The following GRID1 variants were observed in gnomAD, a reference collection of about 807,000 sequenced individuals.
GRID1 encodes the protein glutamate receptor ionotropic, delta-1.
Under a neutral mutation model 98.0 loss-of-function variants are expected in GRID1, and 28 were observed. That is an observed-to-expected ratio of 0.29 (90% CI 0.21 to 0.39). The LOEUF (loss-of-function observed/expected upper bound fraction) is 0.39. GRID1 is among the 10% of genes least tolerant of loss of function. The pLI is 1.00. For missense variants in GRID1, 1,111 were observed against 1,340.5 expected, an observed-to-expected ratio of 0.83 and a Z score of 2.67; for synonymous variants, 553 against 538.5, an observed-to-expected ratio of 1.03 and a Z score of -0.37.
At chr10:86,003,816 T>C (rs925481814) in intron 4 of GRID1, among the ~76,000 whole-genome samples, 2 of 152,176 alleles carry the variant, frequency 1.3e-5, no homozygotes, top group African/African-American at 2.4e-5. Flanking sequence ...CAACCAAATA[T>C]TTGCCAGGAT....
intron 4 of GRID1, among the ~76,000 whole-genome samples, chr10:85,926,810 C>T (rs111510623): frequency 6.6e-6 from 1 of 152,110 alleles, no homozygotes. Flanking sequence ...ATCCTCACAT[C>T]GTGTGAGTGA....
chr10:85,787,015 C>T (rs1358514841), intron 8 of GRID1, among the ~76,000 whole-genome samples: 2 of 152,238 alleles, frequency 1.3e-5, no homozygotes, highest in Admixed American at 6.5e-5. Flanking sequence ...TCCCCCTCTG[C>T]CTCCCAGCTG....
At chr10:86,299,438 C>T (rs1306822975) in intron 2 of GRID1, among the ~76,000 whole-genome samples, 1 of 151,316 alleles carries the variant, frequency 6.6e-6, no homozygotes, top group Non-Finnish European at 1.5e-5. Context: ...CACCCATTAA[C>T]TCGTCATTTA....
At chr10:85,722,642 A>G (rs1841716464) in intron 12 of GRID1, among the ~76,000 whole-genome samples, 1 of 152,172 alleles carries the variant, frequency 6.6e-6, no homozygotes, top group Non-Finnish European at 1.5e-5. Flanking sequence ...TGAAAAAAGC[A>G]TATATTAGAC....
At chr10:86,359,727 C>T (rs997545127) in intron 2 of GRID1, among the ~76,000 whole-genome samples, 8 of 152,214 alleles carry the variant, frequency 5.3e-5, no homozygotes, top group African/African-American at 1.9e-4. Context: ...AATGAGAAGA[C>T]TCGTGCTCAG....
At chr10:86,131,443 G>A (rs568782780) in intron 4 of GRID1, among the ~76,000 whole-genome samples, 1 of 152,296 alleles carries the variant, frequency 6.6e-6, no homozygotes, top group South Asian at 2.1e-4. Flanking sequence ...ACTCTGCAGG[G>A]AGGAGCTGAC....
chr10:85,607,740 A>C (rs1235977635), intron 15 of GRID1, among the ~76,000 whole-genome samples: 1 of 151,788 alleles, frequency 6.6e-6, no homozygotes, highest in Non-Finnish European at 1.5e-5. Context: ...GCAATTCCAC[A>C]GTAAGTGGAA....
chr10:86,047,584 A>G (rs765866293), intron 4 of GRID1, among the ~76,000 whole-genome samples: 1 of 152,122 alleles, frequency 6.6e-6, no homozygotes, highest in Non-Finnish European at 1.5e-5. Flanking sequence ...TTGCCTTCAA[A>G]TTGTTATGAA....
At chr10:85,787,722 C>T (rs181525406) in intron 8 of GRID1, among the ~76,000 whole-genome samples, 1 of 152,308 alleles carries the variant, frequency 6.6e-6, no homozygotes, top group Non-Finnish European at 1.5e-5. Context: ...GTTGCATCCC[C>T]ACCATCACCC....
At chr10:86,283,544 C>A (rs919639186) in intron 2 of GRID1, among the ~76,000 whole-genome samples, 1 of 132,564 alleles carries the variant, frequency 7.5e-6, no homozygotes, top group African/African-American at 3.0e-5. Context: ...CACACACACA[C>A]CTGCCCTTAC....
intron 3 of GRID1, among the ~76,000 whole-genome samples, chr10:86,141,169 C>T (rs1316666901): frequency 6.6e-6 from 1 of 152,116 alleles, no homozygotes; most frequent in Non-Finnish European, 1.5e-5. Context: ...GAAAGGTAGC[C>T]AACTGAGGAC....
At position 85,892,759 on chromosome 10, in the gene GRID1, T is replaced by C. The variant is rs144040977; in HGVS notation, c.780+23427A>G. Among the ~76,000 whole-genome samples the C allele has an allele frequency of 1.4e-3, 209 of 152,228 alleles. 6 individuals carry two copies. In the East Asian group the frequency reaches 0.039, roughly 28 times the overall value. ...ACCTTTTCAGACCCAGATAACGTCATTGGTGAATTCTACATGCATTTATGG... is the reference window on the plus strand; with the variant it reads ...ACCTTTTCAGACCCAGATAACGTCACTGGTGAATTCTACATGCATTTATGG... On this transcript the variant is annotated intron_variant, in intron 5 of 15. Coordinates refer to ENST00000327946, the MANE Select transcript of GRID1 (RefSeq NM_017551.3).
chr10:85,685,375 A>C (rs191606573), intron 12 of GRID1, among the ~76,000 whole-genome samples: 30 of 152,324 alleles, frequency 2.0e-4, no homozygotes, highest in Middle Eastern at 3.4e-3. Flanking sequence ...CTATATCTTT[A>C]CAGTAAAAAC....
At chr10:85,869,315 A>C in intron 5 of GRID1, 135 bp from the exon 6 acceptor site, 1 of 680,792 alleles carries the variant, frequency 1.5e-6, no homozygotes, top group African/African-American at 1.8e-5. Context: ...CAGGTCACAC[A>C]GTTCATTAGT....
At chr10:85,651,987 G>T (rs1406246588) in intron 12 of GRID1, among the ~76,000 whole-genome samples, 1 of 152,178 alleles carries the variant, frequency 6.6e-6, no homozygotes, top group Non-Finnish European at 1.5e-5. Flanking sequence ...TGTATCTCCT[G>T]ACCTGGATTA....
At chr10:85,959,818 G>A (rs1050700367) in intron 4 of GRID1, among the ~76,000 whole-genome samples, 19 of 151,744 alleles carry the variant, frequency 1.3e-4, no homozygotes, top group African/African-American at 3.6e-4. Flanking sequence ...TTGCTTTTTC[G>A]ATTAAAGCTG....
At chr10:86,205,762 A>G (rs148709233) in intron 3 of GRID1, among the ~76,000 whole-genome samples, 1 of 152,330 alleles carries the variant, frequency 6.6e-6, no homozygotes, top group African/African-American at 2.4e-5. Context: ...CCATTTCTCC[A>G]AAGCCCATTT....
At chr10:86,268,738 C>A (rs1847142363) in intron 2 of GRID1, among the ~76,000 whole-genome samples, 1 of 151,948 alleles carries the variant, frequency 6.6e-6, no homozygotes, top group Non-Finnish European at 1.5e-5. Flanking sequence ...CACCTATAAT[C>A]CCAGCACTCT....
intron 4 of GRID1, among the ~76,000 whole-genome samples, chr10:86,120,812 G>C (rs921717193): frequency 1.3e-5 from 2 of 152,130 alleles, no homozygotes; most frequent in African/African-American, 4.8e-5. Flanking sequence ...ACCAGTTTTT[G>C]ATGAGAAGTG....
Sources: gnomAD v4.1 joint callset for allele counts (sites outside exome capture counted in the v4.1 genomes callset) on GRCh38, gnomAD v4.1.1 for gene constraint, MANE v1.5 for transcripts, NCBI Gene and HGNC (gene_info 2026-07-23, HGNC 2026-07-21) for gene names.